The following LTF variants were observed in gnomAD, a reference collection of about 807,000 sequenced individuals.
The protein encoded by LTF is lactotransferrin, also known as epididymis luminal protein 110.
LTF carries 91 observed loss-of-function variants against 87.2 expected under a neutral mutation model. The observed-to-expected ratio is 1.04, with a 90% confidence interval of 0.88 to 1.24. The LOEUF (loss-of-function observed/expected upper bound fraction) is 1.24, where lower values mean the gene tolerates loss of function less well. LTF is among the 50% of genes most tolerant of loss of function. LTF has a pLI of 0.00. For missense variants in LTF, 901 were observed against 904.3 expected (o/e 1.00, Z 0.05); for synonymous variants, 378 against 356.1 (o/e 1.06, Z -0.69).
chr3:46,459,798 C>T lies in LTF; in HGVS notation c.65G>A (p.Arg22Lys). 6.4e-7 allele frequency: 1 copy of T among 1,567,044 alleles called. No homozygotes were observed. The highest frequency in any genetic ancestry group is 8.6e-7 in the Non-Finnish European group (1 of 1,161,958). The stretch of plus-strand genomic sequence containing the variant: ...TACGGCGCACCACTGAACACTCCTC[C>T]TACGGCCAGCCAGACACAGTCCTGG... ...GALGLCLAGRRRSVQWCAVSQ... is the reference protein window; with the variant it reads ...GALGLCLAGRKRSVQWCAVSQ... Residue 22 changes from arginine (R) to lysine (K), a missense_variant, in exon 2 of 17, where the codon AGG (arginine) becomes AAG (lysine). By Grantham distance (26) the Arg-to-Lys change is conservative. Transcript: ENST00000231751.
At chr3:46,466,095 C>T (rs1331861429), upstream of LTF, among the ~76,000 whole-genome samples, 1 of 152,048 alleles carries the variant, frequency 6.6e-6, no homozygotes, top group Non-Finnish European at 1.5e-5. Flanking sequence ...CAAAAATTAG[C>T]CCAGCATGGT....
intron 1 of LTF, among the ~76,000 whole-genome samples, chr3:46,471,799 C>A (rs1332998109): frequency 6.6e-6 from 1 of 152,226 alleles, no homozygotes; most frequent in East Asian, 1.9e-4. Context: ...AAGGTCTCCT[C>A]TCCTACAGCC....
intron 1 of LTF, among the ~76,000 whole-genome samples, chr3:46,482,343 A>G (rs1703442937): frequency 6.6e-6 from 1 of 151,684 alleles, no homozygotes; most frequent in African/African-American, 2.4e-5. Context: ...GGTGGCGAGC[A>G]CCTGTAGTTC....
At chr3:46,478,956 G>A (rs1331878894) in intron 1 of LTF, among the ~76,000 whole-genome samples, 1 of 152,198 alleles carries the variant, frequency 6.6e-6, no homozygotes, top group Non-Finnish European at 1.5e-5. Flanking sequence ...ACTTAGAGGG[G>A]TTCCCTCAAC....
chr3:46,462,718 G>A (rs1289349468), intron 1 of LTF, among the ~76,000 whole-genome samples: 1 of 152,166 alleles, frequency 6.6e-6, no homozygotes, highest in African/African-American at 2.4e-5. Flanking sequence ...CCTGGGAACA[G>A]GCAGAGAAGC....
chr3:46,469,944 T>TTCTTCC (rs1391148961), intron 2 of LTF, among the ~76,000 whole-genome samples: 115 of 152,004 alleles, frequency 7.6e-4, no homozygotes, highest in Middle Eastern at 3.4e-3. Context: ...ATCAGCCCTC[T>TTCTTCC]TCTTCCTCTT....
At chr3:46,457,916 T>C (rs1180378066) in intron 2 of LTF, among the ~76,000 whole-genome samples, 3 of 151,532 alleles carry the variant, frequency 2.0e-5, no homozygotes, top group Non-Finnish European at 4.4e-5. Context: ...TAGCTGGGAC[T>C]ACAGGCGTGT....
intron 1 of LTF, among the ~76,000 whole-genome samples, chr3:46,477,208 C>T (rs1467620720): frequency 6.6e-6 from 1 of 152,238 alleles, no homozygotes; most frequent in Non-Finnish European, 1.5e-5. Context: ...TTGGGAATGT[C>T]TTTTGTCCAT....
At chr3:46,482,690 A>AGGAT (rs1559614883) in intron 1 of LTF, among the ~76,000 whole-genome samples, 38 of 125,776 alleles carry the variant, frequency 3.0e-4, no homozygotes, top group African/African-American at 1.2e-3. Flanking sequence ...GAAGGAAGGA[A>AGGAT]GGAAGGAAGG....
At chr3:46,455,254 G>A (rs748379187) in intron 5 of LTF, 41 bp downstream of exon 5, 6 of 1,612,544 alleles carry the variant, frequency 3.7e-6, no homozygotes, top group Non-Finnish European at 4.2e-6. Context: ...TGAGGCCAAG[G>A]GACACTTGGC....
At chr3:46,484,229 AG>A (rs1172548364) in intron 1 of LTF, among the ~76,000 whole-genome samples, 1 of 152,364 alleles carries the variant, frequency 6.6e-6, no homozygotes, top group East Asian at 1.9e-4. Context: ...ATAGTGGCAT[AG>A]GTGTTTGAGC....
At chr3:46,458,653 C>A (rs979584232) in intron 2 of LTF, among the ~76,000 whole-genome samples, 3 of 152,212 alleles carry the variant, frequency 2.0e-5, no homozygotes, top group African/African-American at 7.2e-5. Context: ...TGGCTCACTG[C>A]AACCTCCCCC....
chr3:46,455,795 C>G lies in LTF; in HGVS notation c.499+1G>C. ...CACTCACTATCCCCCAGCCATCTTA[C>G]CTGCCTCAATGGGCTCAGGTGGACC... On this transcript the variant is annotated splice_donor_variant, in intron 4 of 16. Transcript: ENST00000231751. LOFTEE classifies it high-confidence loss of function. 1 of 1,559,200 alleles carries G rather than the reference C, an allele frequency of 6.4e-7. No homozygotes were observed. The highest frequency in any genetic ancestry group is 8.7e-7 in the Non-Finnish European group (1 of 1,153,246).
Position 46,456,362 on chromosome 3 carries a change from A to AAC in LTF, c.242_243dup (p.Phe82ValfsTer16), listed in dbSNP as rs1490464310. 35 of 1,614,034 alleles carry AAC rather than the reference A, an allele frequency of 2.2e-5. No individual in the cohort carries two copies. The highest frequency in any genetic ancestry group is 2.9e-5 in the Non-Finnish European group (34 of 1,180,030). On this transcript the variant is annotated frameshift_variant, in exon 3 of 17. Coordinates refer to ENST00000231751, the MANE Select transcript of LTF (RefSeq NM_002343.6). LOFTEE classifies it high-confidence loss of function. ...GGGGCCAGGCCTGCCTCGTATATGAAACCACCATCAAGGGTCACAGCATCG... is the reference window on the plus strand; with the variant it reads ...GGGGCCAGGCCTGCCTCGTATATGAAACACCACCATCAAGGGTCACAGCATCG...
chr3:46,447,689 C>A (rs1702690375), intron 9 of LTF, among the ~76,000 whole-genome samples: 2 of 152,218 alleles, frequency 1.3e-5, no homozygotes, highest in African/African-American at 4.8e-5. Flanking sequence ...TTTGGGGACA[C>A]CTTCCTGGAG....
Position 46,445,311 on chromosome 3 carries a change from G to A in LTF, c.1483C>T (p.Leu495Phe), listed in dbSNP as rs1357104520. The change falls in exon 12 of 17, where the codon CTC becomes TTC. Residue 495 changes from leucine to phenylalanine, a missense_variant. Coordinates refer to ENST00000231751, the MANE Select transcript of LTF (RefSeq NM_002343.6). ...TTGCAGGAGCCCGTCTGGTTGAAGA[G>A]CAGGCCCATGGGGATATTCCAGCCT... Reference protein sequence around the residue: ...TAGWNIPMGLLFNQTGSCKFD... With the variant: ...TAGWNIPMGLFFNQTGSCKFD... 11 of 1,612,382 alleles carry A rather than the reference G, an allele frequency of 6.8e-6. No homozygotes were observed. The African/African-American group carries it at 1.3e-4, about 20-fold the overall frequency.
intron 1 of LTF, among the ~76,000 whole-genome samples, chr3:46,475,661 T>C (rs868608482): frequency 5.3e-5 from 8 of 152,036 alleles, no homozygotes; most frequent in Middle Eastern, 3.4e-3. Flanking sequence ...CAATTGACCA[T>C]TAGAGACCAC....
At chr3:46,452,777 T>C (rs1702835674) in intron 6 of LTF, among the ~76,000 whole-genome samples, 1 of 152,260 alleles carries the variant, frequency 6.6e-6, no homozygotes, top group Admixed American at 6.5e-5. Context: ...ATATACTTTT[T>C]TTATTGTAAG....
intron 1 of LTF, among the ~76,000 whole-genome samples, chr3:46,482,703 G>T (rs71615446): frequency 3.2e-5 from 3 of 92,714 alleles, no homozygotes; most frequent in African/African-American, 1.3e-4. Flanking sequence ...AAGGAAGGAA[G>T]GAAAGAAAGA....
Sources: allele counts gnomAD v4.1 joint callset (sites outside exome capture counted in the v4.1 genomes callset), GRCh38; gene constraint gnomAD v4.1.1; transcripts MANE v1.5; gene names NCBI Gene and HGNC (gene_info 2026-07-23, HGNC 2026-07-21).